The following ATP11A variants were observed in gnomAD, a reference collection of about 807,000 sequenced individuals.
ATP11A encodes the protein phospholipid-transporting ATPase IH.
In ATP11A, 81 loss-of-function variants were observed where a neutral mutation model predicts 154.4. That is an observed-to-expected ratio of 0.52 (90% confidence interval 0.44 to 0.63). ATP11A has a LOEUF of 0.63. Ranked by LOEUF, ATP11A falls within the 30% of genes least tolerant of loss-of-function variation. The pLI is 0.00. For synonymous variants in ATP11A, 623 were observed against 585.9 expected, an observed-to-expected ratio of 1.06 and a Z score of -0.91; for missense variants, 1,316 against 1,474.3, an observed-to-expected ratio of 0.89 and a Z score of 1.76.
chr13:112,696,356 T>G lies in ATP11A; in HGVS notation c.39+5901T>G, dbSNP rs1594311373. ...TGGAGAGTGGGTGACCTTGCCCTGC[T>G]CTCCCGGGGAGAGCGGTGGTCACTG... On this transcript the variant is annotated intron_variant, in intron 1 of 29. Coordinates refer to ENST00000375645, the MANE Select transcript of ATP11A (RefSeq NM_015205.3). This position sits in a 1 kb window ranked among gnomAD's most constrained non-coding sequence, Gnocchi z 6.2. Among the ~76,000 whole-genome samples the G allele has an allele frequency of 6.6e-6, 1 of 152,024 alleles. No individual in the cohort carries two copies. The highest frequency in any genetic ancestry group is 2.1e-4 in the South Asian group (1 of 4,818).
At chr13:112,765,380 C>G (rs952662310) in intron 1 of ATP11A, among the ~76,000 whole-genome samples, 9 of 152,176 alleles carry the variant, frequency 5.9e-5, no homozygotes, top group African/African-American at 2.2e-4. Flanking sequence ...CTGGGGGGGT[C>G]GTGGTCTCGC....
At chr13:112,801,964 G>A (rs901663365) in intron 2 of ATP11A, among the ~76,000 whole-genome samples, 3 of 152,184 alleles carry the variant, frequency 2.0e-5, no homozygotes, top group African/African-American at 7.2e-5. Flanking sequence ...TCGCAGTATT[G>A]AACCAAGTTG....
At chr13:112,873,965 C>A (rs1305549370) in intron 27 of ATP11A, among the ~76,000 whole-genome samples, 1 of 152,168 alleles carries the variant, frequency 6.6e-6, no homozygotes, top group Non-Finnish European at 1.5e-5. Context: ...CCAGGGGACC[C>A]ATGTCAGATT....
In ATP11A at chr13:112,713,360, A is replaced by G. The variant is rs533340253; in HGVS notation, c.39+22905A>G. Reference sequence around the variant, plus strand: ...CAGTGAGCCAAGATCATGCCATTGCACTTTAGCCTGGGTGACAGAGCAAGA... The same window carrying G: ...CAGTGAGCCAAGATCATGCCATTGCGCTTTAGCCTGGGTGACAGAGCAAGA... On this transcript the variant is annotated intron_variant, in intron 1 of 29. Transcript: ENST00000375645. 1.4e-4 allele frequency among the ~76,000 whole-genome samples: 21 copies of G among 152,340 alleles called. No individual in the cohort carries two copies. In the South Asian group the frequency reaches 2.1e-3, roughly 15 times the overall value.
intron 1 of ATP11A, among the ~76,000 whole-genome samples, chr13:112,709,228 C>T (rs1429585440): frequency 6.6e-6 from 1 of 152,218 alleles, no homozygotes; most frequent in East Asian, 1.9e-4. Context: ...ATCATAAATT[C>T]TCATCAGATG....
At chr13:112,755,248 T>C (rs1158623091) in intron 1 of ATP11A, among the ~76,000 whole-genome samples, 2 of 152,230 alleles carry the variant, frequency 1.3e-5, no homozygotes, top group African/African-American at 2.4e-5. Context: ...GGGGCGGGTC[T>C]GTGGGCCTCT....
intron 1 of ATP11A, among the ~76,000 whole-genome samples, chr13:112,724,036 A>G (rs2139650569): frequency 6.8e-6 from 1 of 148,000 alleles, no homozygotes; most frequent in African/African-American, 2.5e-5. Flanking sequence ...CGCCCCCTCC[A>G]TCATCCCTGC....
chr13:112,805,429 G>A (rs902209765), intron 3 of ATP11A, among the ~76,000 whole-genome samples: 21 of 152,286 alleles, frequency 1.4e-4, no homozygotes, highest in Middle Eastern at 6.8e-3. Context: ...ACAGTGGCTC[G>A]CCTGTAATCC....
chr13:112,722,271 C>G (rs1226986388), intron 1 of ATP11A, among the ~76,000 whole-genome samples: 3 of 2,766 alleles, frequency 1.1e-3, no homozygotes, highest in Non-Finnish European at 1.9e-3. Context: ...AGTGGGCCGG[C>G]GGGGGGTAGG....
At position 112,838,200 on chromosome 13, in the gene ATP11A, T is replaced by A. The variant is rs1006504758; in HGVS notation, c.1705+1949T>A. 1.3e-5 allele frequency among the ~76,000 whole-genome samples: 2 copies of A among 151,920 alleles called. No homozygotes were observed. Among genetic ancestry groups the A allele is most frequent in the Non-Finnish European group, 2.9e-5 (2 of 67,966 alleles). On this transcript the variant is annotated intron_variant, in intron 16 of 29. Coordinates refer to ENST00000375645, the MANE Select transcript of ATP11A (RefSeq NM_015205.3). This position sits in a 1 kb window ranked among gnomAD's most constrained non-coding sequence, Gnocchi z 7.3. ...CGAGACTTCTGTGTGTCAGAACCCTTCCCCCCGGCTCGGATGAGGCGCAGT... is the reference window on the plus strand; with the variant it reads ...CGAGACTTCTGTGTGTCAGAACCCTACCCCCCGGCTCGGATGAGGCGCAGT...
Position 112,793,226 on chromosome 13 carries a change from A to G in ATP11A, c.162+7969A>G, listed in dbSNP as rs978053806. On this transcript the variant is annotated intron_variant, in intron 2 of 29. Coordinates refer to ENST00000375645, the MANE Select transcript of ATP11A (RefSeq NM_015205.3). The stretch of plus-strand genomic sequence containing the variant: ...GGCCCTTTCTTTTCATTTTTGAGAC[A>G]GAGTCTCTCTCTGTGCCCAGGCTGG... Among the ~76,000 whole-genome samples the G allele has an allele frequency of 2.6e-5, 4 of 152,072 alleles. No individual in the cohort carries two copies. The East Asian group carries it at 7.7e-4, about 29-fold the overall frequency.
chr13:112,859,111 T>G lies in ATP11A; in HGVS notation c.2668-282T>G. ...ATTCCTTATTCACTGTGCAGTTCGA[T>G]TCTTTCCCGTTTATACTGATACCTG... On this transcript the variant is annotated intron_variant, in intron 22 of 29. Coordinates refer to ENST00000375645, the MANE Select transcript of ATP11A (RefSeq NM_015205.3). This position sits in a 1 kb window ranked among gnomAD's most constrained non-coding sequence, Gnocchi z 4.3. The G allele has an allele frequency of 2.4e-6, 1 of 411,926 alleles. No individual in the cohort carries two copies. The highest frequency in any genetic ancestry group is 4.5e-6 in the Non-Finnish European group (1 of 221,140). 25.5% of individuals were successfully genotyped at this position (411,926 alleles called of 1,614,324 possible). A position where few individuals can be genotyped will look rare whatever the true frequency, so the allele number is the denominator to read the frequency against.
rs1030475538 is a variant in ATP11A at position 112,704,422 on chromosome 13, A to G, written c.39+13967A>G. Among the ~76,000 whole-genome samples, 4 of 152,244 alleles carry G rather than the reference A, an allele frequency of 2.6e-5. No homozygotes were observed. The South Asian group carries it at 8.3e-4, about 31-fold the overall frequency. On this transcript the variant is annotated intron_variant, in intron 1 of 29. Transcript: ENST00000375645. Reference sequence around the variant, plus strand: ...GTGGCTCCAGCACTCAGCAGAAACCATAACTGGTTTTGATGCTCTTGGGAG... The same window carrying G: ...GTGGCTCCAGCACTCAGCAGAAACCGTAACTGGTTTTGATGCTCTTGGGAG...
At chr13:112,813,475 T>C (rs1171033945) in intron 5 of ATP11A, among the ~76,000 whole-genome samples, 1 of 152,226 alleles carries the variant, frequency 6.6e-6, no homozygotes, top group East Asian at 1.9e-4. Flanking sequence ...GAGCGTTCCA[T>C]GATGGGGGCG....
At chr13:112,711,528 A>T (rs1169621129) in intron 1 of ATP11A, among the ~76,000 whole-genome samples, 2 of 152,052 alleles carry the variant, frequency 1.3e-5, no homozygotes, top group African/African-American at 4.8e-5. Flanking sequence ...AGAAAAAAAA[A>T]AAAGCAGCCC....
chr13:112,801,155 A>C (rs1009796825), intron 2 of ATP11A, among the ~76,000 whole-genome samples: 2 of 78,768 alleles, frequency 2.5e-5, no homozygotes, highest in African/African-American at 5.7e-5. Flanking sequence ...TAAGAGTAGA[A>C]ATGGGAATAA....
intron 1 of ATP11A, among the ~76,000 whole-genome samples, chr13:112,728,728 G>A (rs1056580972): frequency 1.3e-5 from 2 of 152,184 alleles, no homozygotes; most frequent in South Asian, 4.1e-4. Context: ...CGCCTTATTA[G>A]TATTCATGGA....
chr13:112,743,152 T>C (rs1234960396), intron 1 of ATP11A, among the ~76,000 whole-genome samples: 4 of 152,228 alleles, frequency 2.6e-5, no homozygotes, highest in Admixed American at 1.3e-4. Flanking sequence ...ATCCTTGATC[T>C]GCTTACTCCC....
chr13:112,701,038 G>A (rs964654720), intron 1 of ATP11A, among the ~76,000 whole-genome samples: 3 of 152,224 alleles, frequency 2.0e-5, no homozygotes, highest in Non-Finnish European at 2.9e-5. Flanking sequence ...ACCCCAGGTC[G>A]CTGCGGCCCT....
Sources: allele counts gnomAD v4.1 joint callset (sites outside exome capture counted in the v4.1 genomes callset), GRCh38; gene constraint gnomAD v4.1.1; non-coding constraint Gnocchi (gnomAD v3.1); transcripts MANE v1.5; gene names NCBI Gene and HGNC (gene_info 2026-07-23, HGNC 2026-07-21).